Variants in DOCK5 observed in about 807,000 individuals in gnomAD.
The protein encoded by DOCK5 is dedicator of cytokinesis protein 5.
Under a neutral mutation model 251.8 loss-of-function variants are expected in DOCK5, and 142 were observed. That is an observed-to-expected ratio of 0.56 (90% CI 0.49 to 0.65). DOCK5 has a LOEUF of 0.65. Among genes scored for constraint, DOCK5 ranks in the 30% least tolerant of loss-of-function variants. The probability of loss-of-function intolerance (pLI) is 0.00; values close to 1 mark genes in which losing one functional copy is unlikely to be tolerated. For missense variants in DOCK5, 2,111 were observed against 2,312.3 expected, an observed-to-expected ratio of 0.91 and a Z score of 1.79; for synonymous variants, 842 against 835.5, an observed-to-expected ratio of 1.01 and a Z score of -0.13.
chr8:25,249,307 GT>G (rs566338293), intron 2 of DOCK5, among the ~76,000 whole-genome samples: 1 of 151,992 alleles, frequency 6.6e-6, no homozygotes, highest in African/African-American at 2.4e-5. Context: ...GGCCTTGTGG[GT>G]TTTTTTGTTT....
intron 3 of DOCK5, among the ~76,000 whole-genome samples, chr8:25,269,544 T>C (rs964428300): frequency 1.3e-5 from 2 of 152,256 alleles, no homozygotes; most frequent in Non-Finnish European, 2.9e-5. Context: ...TATCTTTTAC[T>C]GTGCAACAAA....
intron 18 of DOCK5, among the ~76,000 whole-genome samples, chr8:25,327,011 C>T (rs912273489): frequency 1.2e-4 from 18 of 152,198 alleles, no homozygotes; most frequent in African/African-American, 4.1e-4. Context: ...GATTGCCTGG[C>T]TTCAAATCCC....
intron 33 of DOCK5, among the ~76,000 whole-genome samples, chr8:25,369,063 G>A (rs1336712158): frequency 6.6e-6 from 1 of 152,122 alleles, no homozygotes; most frequent in African/African-American, 2.4e-5. Flanking sequence ...ATTATAGTAC[G>A]GCTGAAAGCA....
chr8:25,305,621 A>C (rs1804897417), intron 11 of DOCK5, among the ~76,000 whole-genome samples: 1 of 152,222 alleles, frequency 6.6e-6, no homozygotes, highest in South Asian at 2.1e-4. Flanking sequence ...ATAAAGAATT[A>C]ATAGAAATTA....
At chr8:25,263,403 A>C (rs1299257840) in intron 2 of DOCK5, among the ~76,000 whole-genome samples, 5 of 151,916 alleles carry the variant, frequency 3.3e-5, no homozygotes, top group Non-Finnish European at 7.3e-5. Context: ...ACATGTATAA[A>C]AAGTCATGAA....
intron 42 of DOCK5, among the ~76,000 whole-genome samples, chr8:25,391,201 GTGTGTGTGTGTGTGTGTGTGTGTGTGT>G (rs1801253913): frequency 7.2e-6 from 1 of 139,636 alleles, no homozygotes; most frequent in Non-Finnish European, 1.5e-5. Flanking sequence ...CCACACCTGT[GTGTGTGTGTGTGTGTGTGTGTGTGTGT>G]GTGTGTGTGT....
At chr8:25,365,896 A>G (rs1800766149) in intron 30 of DOCK5, among the ~76,000 whole-genome samples, 1 of 152,202 alleles carries the variant, frequency 6.6e-6, no homozygotes, top group Non-Finnish European at 1.5e-5. Flanking sequence ...ACATACACAC[A>G]CAGAGATGCA....
In DOCK5 at chr8:25,210,008, T is replaced by TTATATA. The variant is rs375221561; in HGVS notation, c.43+25078_43+25083dup. On this transcript the variant is annotated intron_variant, in intron 1 of 51. Transcript: ENST00000276440. ...GGCACATGCCACCATCCCCGGCTAA[T>TTATATA]TATATATATATATATATATATATAT... is the stretch of plus-strand genomic sequence containing the variant. 9.5e-3 allele frequency among the ~76,000 whole-genome samples: 258 copies of TTATATA among 27,210 alleles called. 76 individuals are homozygous for TTATATA. The highest frequency in any genetic ancestry group is 0.04 in the Middle Eastern group (2 of 50). 17.9% of individuals were successfully genotyped at this position (27,210 alleles called of 152,430 possible). A position where few individuals can be genotyped will look rare whatever the true frequency, so the allele number is the denominator to read the frequency against.
intron 38 of DOCK5, among the ~76,000 whole-genome samples, chr8:25,379,707 A>C (rs1172827510): frequency 6.6e-6 from 1 of 152,188 alleles, no homozygotes; most frequent in Non-Finnish European, 1.5e-5. Flanking sequence ...GGGAACTGAT[A>C]AATGTCCATG....
At chr8:25,184,976 C>T (rs1276894228) in intron 1 of DOCK5, 25 bp downstream of exon 1, 2 of 1,354,792 alleles carry the variant, frequency 1.5e-6, no homozygotes, top group East Asian at 2.9e-5. Flanking sequence ...CACCTTGTCC[C>T]GGCCCGACCC....
At position 25,298,738 on chromosome 8, in the gene DOCK5, A is replaced by T. The variant is rs61205519; in HGVS notation, c.607-206A>T. On this transcript the variant is annotated intron_variant, in intron 7 of 51. Transcript: ENST00000276440. ...TACAGGCACAGCTAATTAAAAAAAAATTTTTTTGTAGAGACAGAGGCTTGC... is the reference window on the plus strand; with the variant it reads ...TACAGGCACAGCTAATTAAAAAAAATTTTTTTTGTAGAGACAGAGGCTTGC... 0.074 allele frequency among the ~76,000 whole-genome samples: 11,187 copies of T among 152,010 alleles called. 1,327 individuals carry two copies. The highest frequency in any genetic ancestry group is 0.25 in the African/African-American group (10,404 of 41,406).
In DOCK5 at chr8:25,369,296, A is replaced by C. The variant is rs11135862; in HGVS notation, c.3439-260A>C. Among the ~76,000 whole-genome samples the C allele has an allele frequency of 0.51, 76,992 of 152,084 alleles. 19,600 individuals carry two copies. Among genetic ancestry groups the C allele is most frequent in the Middle Eastern group, 0.54 (159 of 294 alleles). On this transcript the variant is annotated intron_variant, in intron 33 of 51. Transcript: ENST00000276440. ...AGAATTATTATTCTATTTTTATATG[A>C]ATAGTTGTAACAGAAAGCAATGTTT...
intron 1 of DOCK5, among the ~76,000 whole-genome samples, chr8:25,214,383 T>C (rs1232686899): frequency 6.6e-6 from 1 of 152,140 alleles, no homozygotes; most frequent in African/African-American, 2.4e-5. Context: ...GGTGTGTGTC[T>C]TGGGGTCAAG....
At chr8:25,392,041 C>A in intron 43 of DOCK5, 61 bp downstream of exon 43, 1 of 1,490,590 alleles carries the variant, frequency 6.7e-7, no homozygotes, top group Non-Finnish European at 9.2e-7. Context: ...CGGTGGCTCA[C>A]GCCTGTAATC....
At chr8:25,302,732 A>G (rs1228374003) in intron 10 of DOCK5, among the ~76,000 whole-genome samples, 1 of 152,178 alleles carries the variant, frequency 6.6e-6, no homozygotes, top group African/African-American at 2.4e-5. Context: ...CTCGCCTTAA[A>G]CAGGACGGGA....
chr8:25,288,354 G>A (rs1232197372), intron 5 of DOCK5, among the ~76,000 whole-genome samples: 36 of 152,180 alleles, frequency 2.4e-4, no homozygotes, highest in Admixed American at 2.4e-3. Context: ...TGGGGAAATT[G>A]TTTCCTTTGG....
At chr8:25,232,286 AATGCAATGCAG>A (rs1802685900) in intron 1 of DOCK5, among the ~76,000 whole-genome samples, 1 of 77,068 alleles carries the variant, frequency 1.3e-5, no homozygotes, top group South Asian at 3.2e-4. Flanking sequence ...AATGCAATGC[AATGCAATGCAG>A]ATGCAATGCA....
chr8:25,379,922 A>G (rs1328186986), intron 38 of DOCK5, among the ~76,000 whole-genome samples: 1 of 151,808 alleles, frequency 6.6e-6, no homozygotes, highest in Admixed American at 6.6e-5. Context: ...GTCCCACAGA[A>G]ACTTCCCTTC....
chr8:25,244,052 G>T (rs997219258), intron 2 of DOCK5, among the ~76,000 whole-genome samples: 1 of 152,212 alleles, frequency 6.6e-6, no homozygotes, highest in African/African-American at 2.4e-5. Flanking sequence ...GAGCTGGCTC[G>T]CGAGGAGACA....
Sources: gnomAD v4.1 joint callset for allele counts (sites outside exome capture counted in the v4.1 genomes callset) on GRCh38, gnomAD v4.1.1 for gene constraint, MANE v1.5 for transcripts, NCBI Gene and HGNC (gene_info 2026-07-23, HGNC 2026-07-21) for gene names.